The following SART3 variants were observed in gnomAD, a reference collection of about 807,000 sequenced individuals.
The protein encoded by SART3 is spliceosome associated factor 3, U4/U6 recycling protein.
Under a neutral mutation model 122.3 loss-of-function variants are expected in SART3, and 44 were observed. That is an observed-to-expected ratio of 0.36 (90% CI 0.28 to 0.46). The LOEUF (loss-of-function observed/expected upper bound fraction) is 0.46, where lower values mean the gene tolerates loss of function less well. Ranked by LOEUF, SART3 falls within the 20% of genes least tolerant of loss-of-function variation. The pLI is 1.00. For synonymous variants in SART3, 442 were observed against 454.0 expected (o/e 0.97, Z 0.34); for missense variants, 1,101 against 1,229.0 (o/e 0.90, Z 1.56).
intron 6 of SART3, among the ~76,000 whole-genome samples, chr12:108,542,035 A>C: frequency 9.7e-6 from 1 of 103,600 alleles, no homozygotes; most frequent in Non-Finnish European, 1.8e-5. Context: ...TTTGGTAGAG[A>C]CAGGGTTGTG....
At chr12:108,539,757 G>C (rs946924146) in intron 6 of SART3, among the ~76,000 whole-genome samples, 3 of 152,222 alleles carry the variant, frequency 2.0e-5, no homozygotes, top group African/African-American at 7.2e-5. Context: ...CAGTGCAGGA[G>C]AGTAAGAGAA....
At chr12:108,558,898 T>A (rs1445750895) in intron 1 of SART3, among the ~76,000 whole-genome samples, 1 of 151,814 alleles carries the variant, frequency 6.6e-6, no homozygotes, top group Non-Finnish European at 1.5e-5. Context: ...CCGGACTTGG[T>A]GGCGGGCGCC....
chr12:108,549,189 T>A lies in SART3; in HGVS notation c.338A>T (p.Asn113Ile). 1 of 1,614,222 alleles carries A rather than the reference T, an allele frequency of 6.2e-7. No homozygotes were observed. Among genetic ancestry groups the A allele is most frequent in the Non-Finnish European group, 8.5e-7 (1 of 1,180,026 alleles). ...EQLSINVYDY[N>I]CHVDLIRLLR... Reference sequence around the variant, plus strand: ...CAGTCTGATCAAGTCCACATGGCAGTTGTAGTCATAGACGTTGATAGACAA... The same window carrying A: ...CAGTCTGATCAAGTCCACATGGCAGATGTAGTCATAGACGTTGATAGACAA... Residue 113 changes from asparagine (N) to isoleucine (I), a missense_variant, in exon 2 of 19, where the codon AAC becomes ATC. Around this residue, in one of 2 missense-constraint regions of SART3, gnomAD observed 216 missense variants for 148.9 expected, o/e 1.45. Coordinates refer to ENST00000546815, the MANE Select transcript of SART3 (RefSeq NM_014706.4).
chr12:108,551,635 C>T (rs2030014073), intron 1 of SART3, among the ~76,000 whole-genome samples: 1 of 151,932 alleles, frequency 6.6e-6, no homozygotes. Context: ...GAGAACAGCC[C>T]ACCCAACAAT....
At chr12:108,538,560 C>G (rs746322599) in intron 7 of SART3, among the ~76,000 whole-genome samples, 25 of 152,296 alleles carry the variant, frequency 1.6e-4, no homozygotes, top group Non-Finnish European at 3.1e-4. Flanking sequence ...GTAGGTGAGA[C>G]TACAGATCAA....
chr12:108,541,885 A>G (rs1232604242), intron 6 of SART3, among the ~76,000 whole-genome samples: 3 of 152,046 alleles, frequency 2.0e-5, no homozygotes, highest in Admixed American at 6.5e-5. Flanking sequence ...CTTAGGTGAC[A>G]ATGCAGTGGC....
intron 11 of SART3, among the ~76,000 whole-genome samples, chr12:108,535,774 G>A (rs1307330498): frequency 7.4e-6 from 1 of 134,542 alleles, no homozygotes; most frequent in Admixed American, 8.3e-5. Context: ...ACAAGTGTTT[G>A]AGAGACAATG....
At chr12:108,545,117 A>G (rs1873342246) in intron 4 of SART3, 22 bp downstream of exon 4, 7 of 1,612,878 alleles carry the variant, frequency 4.3e-6, no homozygotes, top group Non-Finnish European at 5.1e-6. Flanking sequence ...CAACCCGTTC[A>G]GAGACAACCA....
chr12:108,534,624 G>A (rs1294383652), intron 12 of SART3, among the ~76,000 whole-genome samples: 2 of 152,170 alleles, frequency 1.3e-5, no homozygotes, highest in Admixed American at 1.3e-4. Flanking sequence ...GGTTGCAGCT[G>A]AGACTGCACC....
At position 108,556,848 on chromosome 12, in the gene SART3, T is replaced by C. The variant is rs181599611; in HGVS notation, c.312+3995A>G. On this transcript the variant is annotated intron_variant, in intron 1 of 18. Transcript: ENST00000546815. ...CACCACATCACCAGTCTGAACTCAATAGAGTGTGCTTGCGGAGCACAAACA... is the reference window on the plus strand; with the variant it reads ...CACCACATCACCAGTCTGAACTCAACAGAGTGTGCTTGCGGAGCACAAACA... Among the ~76,000 whole-genome samples, 313 of 152,344 alleles carry C rather than the reference T, an allele frequency of 2.1e-3. 1 individual carries two copies. The highest frequency in any genetic ancestry group is 7.3e-3 in the African/African-American group (304 of 41,584).
rs1309948600 is a variant in SART3 at position 108,522,745 on chromosome 12, A to C, written c.*712T>G. The C allele has an allele frequency of 6.6e-6, 1 of 152,606 alleles. No homozygotes were observed. Among genetic ancestry groups the C allele is most frequent in the East Asian group, 1.9e-4 (1 of 5,206 alleles). 9.5% of individuals were successfully genotyped at this position (152,606 alleles called of 1,614,324 possible). A position where few individuals can be genotyped will look rare whatever the true frequency, so the allele number is the denominator to read the frequency against. ...GGGAGAATTGAAGTTTGCATTTGACATGGTATTAAACAAAACCAAAGGGCT... is the reference window on the plus strand; with the variant it reads ...GGGAGAATTGAAGTTTGCATTTGACCTGGTATTAAACAAAACCAAAGGGCT... On this transcript the variant is annotated 3_prime_UTR_variant, in exon 19 of 19. Coordinates refer to ENST00000546815, the MANE Select transcript of SART3 (RefSeq NM_014706.4).
intron 6 of SART3, 25 bp downstream of exon 6, chr12:108,543,003 T>G: frequency 6.2e-7 from 1 of 1,614,150 alleles, no homozygotes; most frequent in Non-Finnish European, 8.5e-7. Flanking sequence ...GAGAGACGTT[T>G]ACTATAAAAG....
In SART3 at chr12:108,523,426, GT is replaced by G; in HGVS notation, c.*30del. Reference sequence around the variant, plus strand: ...GGGAGGTCCGCCGGGCCAGAGTGAAGTAAGGCATTTCCTGTCTCCCAGCGTC... The same window carrying G: ...GGGAGGTCCGCCGGGCCAGAGTGAAGAAGGCATTTCCTGTCTCCCAGCGTC... On this transcript the variant is annotated 3_prime_UTR_variant, in exon 19 of 19. Transcript: ENST00000546815. The G allele has an allele frequency of 6.2e-7, 1 of 1,610,524 alleles. No individual in the cohort carries two copies. The highest frequency in any genetic ancestry group is 8.5e-7 in the Non-Finnish European group (1 of 1,178,492).
rs1167662951 is a variant in SART3 at position 108,523,560 on chromosome 12, G to A, written c.2789C>T (p.Ala930Val). 1 of 1,614,126 alleles carries A rather than the reference G, an allele frequency of 6.2e-7. No individual in the cohort carries two copies. Among genetic ancestry groups the A allele is most frequent in the South Asian group, 1.1e-5 (1 of 91,080 alleles). ...AGGAGCCGCGGCAGGGCCGTTCTCA[G>A]CCTGAGGAGCTGCAGCACTTGGGCG... ...LQRPSAAAPQ[A>V]ENGPAAAPAV... Residue 930 changes from alanine to valine, a missense_variant, in exon 19 of 19, where the codon GCT (alanine) becomes GTT (valine). By Grantham distance (64) the Ala-to-Val change is moderately conservative. Coordinates refer to ENST00000546815, the MANE Select transcript of SART3 (RefSeq NM_014706.4).
rs750409696 is a variant in SART3 at position 108,539,148 on chromosome 12, C to T, written c.907-59G>A. ...ACTGGCAGGAAGCACAACACATCTG[C>T]AAATAAAATAAATTTTGGCAAAACT... On this transcript the variant is annotated intron_variant, in intron 6 of 18. Transcript: ENST00000546815. 6 of 1,591,084 alleles carry T rather than the reference C, an allele frequency of 3.8e-6. No homozygotes were observed. In the African/African-American group the frequency reaches 4.0e-5, roughly 11 times the overall value.
Position 108,533,015 on chromosome 12 carries a change from C to T in SART3, c.1557-681G>A, listed in dbSNP as rs186732631. On this transcript the variant is annotated intron_variant, in intron 12 of 18. Coordinates refer to ENST00000546815, the MANE Select transcript of SART3 (RefSeq NM_014706.4). ...TACACTGCTAATCACAACAGCTACA[C>T]AATTCTGCTAATCATAACTGTTATG... Among the ~76,000 whole-genome samples, 26 of 152,316 alleles carry T rather than the reference C, an allele frequency of 1.7e-4. No homozygotes were observed. In the East Asian group the frequency reaches 3.1e-3, roughly 18 times the overall value.
At chr12:108,552,687 GAAATC>G (rs2030059903) in intron 1 of SART3, among the ~76,000 whole-genome samples, 1 of 151,956 alleles carries the variant, frequency 6.6e-6, no homozygotes, top group Non-Finnish European at 1.5e-5. Flanking sequence ...GCTGAGGAAA[GAAATC>G]AAAGACCTAA....
chr12:108,538,782 AAAACTTTCT>A, intron 7 of SART3, 143 bp downstream of exon 7: 1 of 906,934 alleles, frequency 1.1e-6, no homozygotes, highest in East Asian at 2.6e-5. Flanking sequence ...TTGAAACACT[AAAACTTTCT>A]AAACGAGTTG....
intron 6 of SART3, among the ~76,000 whole-genome samples, chr12:108,541,998 CTTTTTTTTTTTTTTTTT>C (rs55746158): frequency 2.8e-4 from 19 of 68,062 alleles, no homozygotes; most frequent in African/African-American, 9.2e-4. Context: ...CCAAGCCCGG[CTTTTTTTTTTTTTTTTT>C]TTTTTTTTTT....
Sources: gnomAD v4.1 joint callset for allele counts (sites outside exome capture counted in the v4.1 genomes callset) on GRCh38, gnomAD v4.1.1 for gene constraint, gnomAD v4.1.1 regional missense constraint, MANE v1.5 for transcripts, NCBI Gene and HGNC (gene_info 2026-07-23, HGNC 2026-07-21) for gene names.